ANKS1B: variants seen among roughly 807,000 people sequenced by gnomAD.
ANKS1B encodes ankyrin repeat and sterile alpha motif domain containing 1B, also known as ankyrin repeat and sterile alpha motif domain-containing protein 1B.
ANKS1B carries 36 observed loss-of-function variants against 148.3 expected under a neutral mutation model. The observed-to-expected ratio is 0.24, with a 90% CI of 0.19 to 0.32. The LOEUF (loss-of-function observed/expected upper bound fraction) is 0.32. Ranked by LOEUF, ANKS1B falls within the 10% of genes least tolerant of loss-of-function variation. ANKS1B has a pLI of 1.00. For missense variants in ANKS1B, 1,157 were observed against 1,542.6 expected (o/e 0.75, Z 4.19); for synonymous variants, 542 against 560.8 (o/e 0.97, Z 0.47).
chr12:99,139,525 G>A lies in ANKS1B; in HGVS notation c.2526+14764C>T, dbSNP rs149722258. ...ACTCCTGGTCTCAGGCAATGCTCCT[G>A]ATTCAGCCTTCCAAACTGGCTGGGA... On this transcript the variant is annotated intron_variant, in intron 15 of 26. Transcript: ENST00000683438. Among the ~76,000 whole-genome samples, 13 of 138,786 alleles carry A rather than the reference G, an allele frequency of 9.4e-5. No homozygotes were observed. The East Asian group carries it at 2.5e-3, about 27-fold the overall frequency. 91.0% of individuals were successfully genotyped at this position (138,786 alleles called of 152,430 possible).
chr12:98,962,150 A>G (rs972240623), intron 17 of ANKS1B, among the ~76,000 whole-genome samples: 2 of 151,842 alleles, frequency 1.3e-5, no homozygotes, highest in African/African-American at 4.8e-5. Flanking sequence ...TGGATAAAAA[A>G]AAAAAACAAG....
chr12:99,467,776 A>G (rs571744431), intron 10 of ANKS1B, among the ~76,000 whole-genome samples: 1,796 of 152,340 alleles, frequency 0.012, 14 homozygotes, highest in Admixed American at 0.016. Flanking sequence ...ACCACTGCTC[A>G]ATGAAATAAA....
chr12:99,204,497 A>T (rs2082407500), intron 14 of ANKS1B, among the ~76,000 whole-genome samples: 1 of 152,240 alleles, frequency 6.6e-6, no homozygotes, highest in Admixed American at 6.5e-5. Flanking sequence ...TCCTAAAACC[A>T]CACTGTGTTT....
chr12:99,307,946 CT>C (rs2082580828), intron 12 of ANKS1B, among the ~76,000 whole-genome samples: 1 of 151,988 alleles, frequency 6.6e-6, no homozygotes, highest in Non-Finnish European at 1.5e-5. Flanking sequence ...GTAGTCTTTT[CT>C]ATGGAGGACT....
At position 99,812,287 on chromosome 12, in the gene ANKS1B, C is replaced by G; in HGVS notation, c.240G>C (p.Gln80His). ...CTGCTACATTTGTTGATGCCTCATA[C>G]TGAAGTAGTTTGAGAACTATGTCCC... is the stretch of plus-strand genomic sequence containing the variant. ...GHKDIVLKLL[Q>H]YEASTNVADN... The change falls in exon 3 of 27, where the codon CAG becomes CAC. Residue 80 changes from glutamine to histidine, a missense_variant. This residue lies in a region of ANKS1B where 164 missense variants were observed against 232.6 expected (regional missense o/e 0.71). Transcript: ENST00000683438. 1.2e-6 allele frequency: 2 copies of G among 1,611,310 alleles called. No homozygotes were observed. The highest frequency in any genetic ancestry group is 4.5e-5 in the East Asian group (2 of 44,820).
intron 17 of ANKS1B, among the ~76,000 whole-genome samples, chr12:98,998,669 C>T (rs1444578405): frequency 6.6e-6 from 1 of 151,998 alleles, no homozygotes; most frequent in Non-Finnish European, 1.5e-5. Context: ...CTTCATGTGT[C>T]TATGTAAAAA....
At chr12:98,964,638 C>T (rs1417984383) in intron 17 of ANKS1B, among the ~76,000 whole-genome samples, 1 of 152,136 alleles carries the variant, frequency 6.6e-6, no homozygotes, top group East Asian at 1.9e-4. Context: ...AAGGAATTAG[C>T]TCTTGTCATT....
chr12:99,533,667 G>T (rs1048188996), intron 9 of ANKS1B, among the ~76,000 whole-genome samples: 2 of 152,070 alleles, frequency 1.3e-5, no homozygotes, highest in African/African-American at 2.4e-5. Flanking sequence ...TTGGCTGTGG[G>T]TTTATCATAT....
intron 17 of ANKS1B, among the ~76,000 whole-genome samples, chr12:99,026,207 G>A (rs1766053377): frequency 6.6e-6 from 1 of 152,074 alleles, no homozygotes; most frequent in South Asian, 2.1e-4. Context: ...GAGCTTTCTA[G>A]ACCAATAGCC....
intron 20 of ANKS1B, among the ~76,000 whole-genome samples, chr12:98,804,295 T>C (rs573612519): frequency 6.6e-6 from 1 of 152,314 alleles, no homozygotes; most frequent in African/African-American, 2.4e-5. Flanking sequence ...TTTTATCAGA[T>C]TTAGTGCTAT....
intron 2 of ANKS1B, among the ~76,000 whole-genome samples, chr12:99,813,688 T>TA (rs1463424428): frequency 1.3e-5 from 2 of 151,596 alleles, no homozygotes; most frequent in East Asian, 3.9e-4. Flanking sequence ...ATCATGATTT[T>TA]AAAAAAACAA....
chr12:99,350,884 G>C (rs909091211), intron 12 of ANKS1B, among the ~76,000 whole-genome samples: 2 of 152,020 alleles, frequency 1.3e-5, no homozygotes, highest in Non-Finnish European at 2.9e-5. Flanking sequence ...ACTTAGTTCT[G>C]CATTGGTTTT....
At chr12:99,350,805 T>C (rs928432417) in intron 12 of ANKS1B, among the ~76,000 whole-genome samples, 1 of 152,060 alleles carries the variant, frequency 6.6e-6, no homozygotes, top group Non-Finnish European at 1.5e-5. Flanking sequence ...CATACTCACT[T>C]CTTAGGCTCA....
At chr12:99,951,064 C>A (rs191839481) in intron 1 of ANKS1B, among the ~76,000 whole-genome samples, 1 of 152,308 alleles carries the variant, frequency 6.6e-6, no homozygotes, top group Admixed American at 6.5e-5. Flanking sequence ...GAAAGCATTG[C>A]ACCACTGTCC....
At chr12:99,562,097 C>CT (rs1238044106) in intron 9 of ANKS1B, among the ~76,000 whole-genome samples, 18 of 152,276 alleles carry the variant, frequency 1.2e-4, no homozygotes, top group Non-Finnish European at 1.8e-4. Context: ...TCTTGGGTGA[C>CT]TAAGTGCATT....
chr12:99,389,627 GA>G (rs2093990639), intron 12 of ANKS1B, among the ~76,000 whole-genome samples: 1 of 151,970 alleles, frequency 6.6e-6, no homozygotes, highest in Non-Finnish European at 1.5e-5. Context: ...AGTCAGGAGA[GA>G]AAAACTACTA....
chr12:99,863,685 A>C (rs2090343384), intron 1 of ANKS1B, among the ~76,000 whole-genome samples: 1 of 152,044 alleles, frequency 6.6e-6, no homozygotes, highest in Non-Finnish European at 1.5e-5. Flanking sequence ...ACTGCACTCC[A>C]GCCTGGGTGA....
At chr12:99,411,348 C>A in intron 11 of ANKS1B, among the ~76,000 whole-genome samples, 1 of 152,192 alleles carries the variant, frequency 6.6e-6, no homozygotes, top group East Asian at 1.9e-4. Context: ...ATAACGGTCT[C>A]TAGCTACATT....
chr12:99,243,052 T>C (rs2089648711), intron 14 of ANKS1B, among the ~76,000 whole-genome samples: 1 of 152,188 alleles, frequency 6.6e-6, no homozygotes. Context: ...TGGGATCTAA[T>C]TAAACTAAAG....
Sources: gnomAD v4.1 joint callset for allele counts (sites outside exome capture counted in the v4.1 genomes callset) on GRCh38, gnomAD v4.1.1 for gene constraint, gnomAD v4.1.1 regional missense constraint, MANE v1.5 for transcripts, NCBI Gene and HGNC (gene_info 2026-07-23, HGNC 2026-07-21) for gene names.